The following ZNF618 variants were observed in gnomAD, a reference collection of about 807,000 sequenced individuals.
ZNF618 encodes zinc finger protein 618, also known as neural precursor cell expressed, developmentally down-regulated 10.
A neutral mutation model predicts 103.0 loss-of-function variants in ZNF618; 34 were observed. The observed-to-expected ratio is 0.33, with a 90% CI of 0.25 to 0.44. ZNF618 has a LOEUF of 0.44. ZNF618 is among the 20% of genes least tolerant of loss of function. The pLI is 1.00. For missense variants in ZNF618, 1,059 were observed against 1,295.4 expected, an observed-to-expected ratio of 0.82 and a Z score of 2.80; for synonymous variants, 551 against 542.2, an observed-to-expected ratio of 1.02 and a Z score of -0.23.
intron 1 of ZNF618, among the ~76,000 whole-genome samples, chr9:113,886,735 CAGAT>C (rs1408012449): frequency 3.3e-5 from 5 of 151,940 alleles, no homozygotes; most frequent in African/African-American, 7.3e-5. Flanking sequence ...ATAAGGGTAA[CAGAT>C]AGCATCTAAG....
chr9:113,943,513 T>C (rs533472194), intron 1 of ZNF618, among the ~76,000 whole-genome samples: 170 of 151,878 alleles, frequency 1.1e-3, no homozygotes, highest in Non-Finnish European at 1.9e-3. Flanking sequence ...GTATCCCATC[T>C]CAGGAAAGCA....
chr9:113,937,719 A>C (rs1435938768), intron 1 of ZNF618, among the ~76,000 whole-genome samples: 1 of 152,222 alleles, frequency 6.6e-6, no homozygotes, highest in African/African-American at 2.4e-5. Flanking sequence ...TTCTCAGTGC[A>C]TCATATGAGG....
rs1274765519 is a variant in ZNF618 at position 114,049,162 on chromosome 9, G to A, written c.1860G>A (p.Arg620=). 10 of 1,613,860 alleles carry A rather than the reference G, an allele frequency of 6.2e-6. No homozygotes were observed. Among genetic ancestry groups the A allele is most frequent in the Middle Eastern group, 3.3e-4 (2 of 6,062 alleles). The change falls in exon 15 of 15, where the codon CGG becomes CGA. Residue 620 remains arginine, a synonymous_variant. Coordinates refer to ENST00000374126, the MANE Select transcript of ZNF618 (RefSeq NM_001318042.2). ...GGACAGTGTACGTGACGGATTGCCG[G>A]GTGAGCACGTCCGCCTTCTCCAAGG... is the stretch of plus-strand genomic sequence containing the variant. ...EIRTVYVTDC[R]VSTSAFSKAG...
At chr9:114,018,265 G>A (rs1375066638) in intron 10 of ZNF618, among the ~76,000 whole-genome samples, 1 of 152,238 alleles carries the variant, frequency 6.6e-6, no homozygotes, top group Non-Finnish European at 1.5e-5. Flanking sequence ...TGACCCACTT[G>A]TGGTGCTGAT....
intron 1 of ZNF618, among the ~76,000 whole-genome samples, chr9:113,951,501 A>ATATGTGTG (rs1835696722): frequency 4.2e-5 from 3 of 70,842 alleles, no homozygotes; most frequent in Non-Finnish European, 5.9e-5. Flanking sequence ...GTGTATGTGT[A>ATATGTGTG]CACATATATG....
chr9:113,919,695 G>T (rs1378092521), intron 1 of ZNF618, among the ~76,000 whole-genome samples: 1 of 152,222 alleles, frequency 6.6e-6, no homozygotes. Context: ...CCACGGTTTG[G>T]ATTTGCAGAG....
chr9:113,915,433 G>A (rs1588028639), intron 1 of ZNF618, among the ~76,000 whole-genome samples: 1 of 152,136 alleles, frequency 6.6e-6, no homozygotes, highest in Admixed American at 6.5e-5. Flanking sequence ...TGGAGGAACT[G>A]GGGGGAGACT....
intron 1 of ZNF618, among the ~76,000 whole-genome samples, chr9:113,959,991 G>A (rs1836694783): frequency 6.6e-6 from 1 of 152,222 alleles, no homozygotes; most frequent in Non-Finnish European, 1.5e-5. Context: ...AGGGGCCCAG[G>A]TCTGTGCATG....
intron 1 of ZNF618, among the ~76,000 whole-genome samples, chr9:113,962,557 C>A (rs1836951557): frequency 6.6e-6 from 1 of 152,234 alleles, no homozygotes; most frequent in South Asian, 2.1e-4. Context: ...CTCCTCTTGT[C>A]CTCATGTACT....
At chr9:113,935,285 A>G (rs922606632) in intron 1 of ZNF618, among the ~76,000 whole-genome samples, 3 of 152,144 alleles carry the variant, frequency 2.0e-5, no homozygotes, top group Admixed American at 2.0e-4. Flanking sequence ...ACTTTACATC[A>G]TGGCCAGCTG....
intron 10 of ZNF618, among the ~76,000 whole-genome samples, chr9:114,019,280 A>G (rs780043353): frequency 6.6e-6 from 1 of 152,218 alleles, no homozygotes; most frequent in Non-Finnish European, 1.5e-5. Context: ...GCTTTAGGCT[A>G]TTATAAATAA....
intron 10 of ZNF618, among the ~76,000 whole-genome samples, chr9:114,018,761 C>G (rs186928005): frequency 6.6e-6 from 1 of 152,338 alleles, no homozygotes; most frequent in East Asian, 1.9e-4. Context: ...TATGAACTCT[C>G]TTTCTTTCTT....
intron 1 of ZNF618, among the ~76,000 whole-genome samples, chr9:113,935,030 A>G (rs562521313): frequency 6.6e-6 from 1 of 152,342 alleles, no homozygotes; most frequent in East Asian, 1.9e-4. Flanking sequence ...CCCAAGGGGC[A>G]TAAGACCCAG....
intron 4 of ZNF618, among the ~76,000 whole-genome samples, chr9:113,998,784 G>A (rs1218635605): frequency 6.6e-6 from 1 of 152,236 alleles, no homozygotes; most frequent in Non-Finnish European, 1.5e-5. Flanking sequence ...CACGCCACGA[G>A]GTCTCCCTCA....
chr9:113,968,663 C>T (rs1837658911), intron 1 of ZNF618, among the ~76,000 whole-genome samples: 1 of 152,174 alleles, frequency 6.6e-6, no homozygotes, highest in African/African-American at 2.4e-5. Context: ...AGATTAAGAA[C>T]TGGCACTCTC....
chr9:114,050,392 T>C lies in ZNF618; in HGVS notation c.*225T>C. 2.0e-6 allele frequency: 1 copy of C among 505,354 alleles called. No individual in the cohort carries two copies. The highest frequency in any genetic ancestry group is 3.9e-5 in the Admixed American group (1 of 25,520). 31.3% of individuals were successfully genotyped at this position (505,354 alleles called of 1,614,324 possible). Reference sequence around the variant, plus strand: ...AACACGTGCTGTGGTTGTGGGGGTGTGGGGGGGTCTCTGTGCTCATCTCCA... The same window carrying C: ...AACACGTGCTGTGGTTGTGGGGGTGCGGGGGGGTCTCTGTGCTCATCTCCA... On this transcript the variant is annotated 3_prime_UTR_variant, in exon 15 of 15. Coordinates refer to ENST00000374126, the MANE Select transcript of ZNF618 (RefSeq NM_001318042.2).
intron 3 of ZNF618, among the ~76,000 whole-genome samples, chr9:113,996,053 G>C (rs1253161506): frequency 6.6e-6 from 1 of 152,084 alleles, no homozygotes; most frequent in African/African-American, 2.4e-5. Flanking sequence ...TACCCCTTGG[G>C]CAGCCACCAC....
chr9:113,902,058 G>T (rs1268162562), intron 1 of ZNF618, among the ~76,000 whole-genome samples: 1 of 152,046 alleles, frequency 6.6e-6, no homozygotes, highest in Non-Finnish European at 1.5e-5. Flanking sequence ...AGAAATGGCA[G>T]TGCTTCCATT....
chr9:113,965,049 C>G (rs962771510), intron 1 of ZNF618, among the ~76,000 whole-genome samples: 2 of 150,242 alleles, frequency 1.3e-5, no homozygotes, highest in African/African-American at 4.9e-5. Context: ...TATCCTCCCA[C>G]TCTCTAGAAT....
Sources: allele counts gnomAD v4.1 joint callset (sites outside exome capture counted in the v4.1 genomes callset), GRCh38; gene constraint gnomAD v4.1.1; transcripts MANE v1.5; gene names NCBI Gene and HGNC (gene_info 2026-07-23, HGNC 2026-07-21).